The following GSDME variants were observed in gnomAD, a reference collection of about 807,000 sequenced individuals.
The protein encoded by GSDME is gasdermin E.
A neutral mutation model predicts 47.5 loss-of-function variants in GSDME; 44 were observed. The ratio of observed to expected loss-of-function variants is 0.93; its 90% confidence interval spans 0.73 to 1.19. GSDME has a LOEUF of 1.19. Ranked by LOEUF, GSDME falls within the 50% of genes most tolerant of loss-of-function variation. The pLI, the probability that GSDME is intolerant of heterozygous loss-of-function variation, is 0.00. For synonymous variants in GSDME, 258 were observed against 252.8 expected (o/e 1.02, Z -0.20); for missense variants, 663 against 604.2 (o/e 1.10, Z -1.02).
intron 7 of GSDME, chr7:24,707,539 C>G (rs966641904): frequency 8.9e-5 from 36 of 404,978 alleles, no homozygotes; most frequent in African/African-American, 6.7e-4. Flanking sequence ...AGTGGCCCAC[C>G]AACATATGTT....
chr7:24,743,533 C>A (rs945630943), intron 3 of GSDME, among the ~76,000 whole-genome samples: 1 of 152,210 alleles, frequency 6.6e-6, no homozygotes, highest in Non-Finnish European at 1.5e-5. Flanking sequence ...CTAAAAAATA[C>A]ATCAGATTAC....
chr7:24,735,168 C>G lies in GSDME; in HGVS notation c.404+9394G>C, dbSNP rs972677044. Reference sequence around the variant, plus strand: ...TATCTAAAGTGCTGAAGGAAAAAAACGTTTACACTAGAATAGTATATTCAG... The same window carrying G: ...TATCTAAAGTGCTGAAGGAAAAAAAGGTTTACACTAGAATAGTATATTCAG... On this transcript the variant is annotated intron_variant, in intron 3 of 9. Coordinates refer to ENST00000645220, the MANE Select transcript of GSDME (RefSeq NM_001127453.2). This position sits in a 1 kb window ranked among gnomAD's most constrained non-coding sequence, Gnocchi z 4.4. 6.6e-6 allele frequency among the ~76,000 whole-genome samples: 1 copy of G among 152,076 alleles called. No homozygotes were observed. The highest frequency in any genetic ancestry group is 1.5e-5 in the Non-Finnish European group (1 of 68,018).
rs984562724 is a variant in GSDME at position 24,723,347 on chromosome 7, C to T, written c.405-4129G>A. Among the ~76,000 whole-genome samples, 15 of 152,140 alleles carry T rather than the reference C, an allele frequency of 9.9e-5. No homozygotes were observed. In the South Asian group the frequency reaches 1.2e-3, roughly 13 times the overall value. On this transcript the variant is annotated intron_variant, in intron 3 of 9. Coordinates refer to ENST00000645220, the MANE Select transcript of GSDME (RefSeq NM_001127453.2). ...GGGGAGAGCTGGTGTCCCCTGGGGACGGTGTTCTCAGGTGCAGACCCAGAA... is the reference window on the plus strand; with the variant it reads ...GGGGAGAGCTGGTGTCCCCTGGGGATGGTGTTCTCAGGTGCAGACCCAGAA...
chr7:24,749,375 G>T (rs751858148), intron 2 of GSDME, among the ~76,000 whole-genome samples, 189 bp downstream of exon 2: 2 of 151,884 alleles, frequency 1.3e-5, no homozygotes, highest in Non-Finnish European at 2.9e-5. Flanking sequence ...GGTGGTGGGT[G>T]CCTGTAATCC....
rs558934278 is a variant in GSDME at position 24,735,876 on chromosome 7, C to T, written c.404+8686G>A. ...AATAGAAAAAAGGAAAAAGTTAAGC[C>T]GGGGGACAAAGTTAAGGCGTGGAGT... On this transcript the variant is annotated intron_variant, in intron 3 of 9. Coordinates refer to ENST00000645220, the MANE Select transcript of GSDME (RefSeq NM_001127453.2). This position sits in a 1 kb window ranked among gnomAD's most constrained non-coding sequence, Gnocchi z 4.4. Among the ~76,000 whole-genome samples, 26 of 151,778 alleles carry T rather than the reference C, an allele frequency of 1.7e-4. No individual in the cohort carries two copies. Among genetic ancestry groups the T allele is most frequent in the African/African-American group, 2.4e-4 (10 of 41,416 alleles).
At chr7:24,699,329 C>T in intron 9 of GSDME, 70 bp from the exon 10 acceptor site, 1 of 1,192,438 alleles carries the variant, frequency 8.4e-7, no homozygotes, top group Admixed American at 1.8e-5. Flanking sequence ...TAGTAATGCA[C>T]TTGTAGGTAA....
rs537185249 is a variant in GSDME at position 24,719,418 on chromosome 7, G to A, written c.405-200C>T. Reference sequence around the variant, plus strand: ...CTTGAGGCCACCTCAGAGCTGCCGGGCCTCTGGGGGCCAGGCTAGATGCCA... The same window carrying A: ...CTTGAGGCCACCTCAGAGCTGCCGGACCTCTGGGGGCCAGGCTAGATGCCA... On this transcript the variant is annotated intron_variant, in intron 3 of 9. Transcript: ENST00000645220. 6.6e-5 allele frequency among the ~76,000 whole-genome samples: 10 copies of A among 152,302 alleles called. No homozygotes were observed. In the East Asian group the frequency reaches 1.9e-3, roughly 29 times the overall value.
In GSDME at chr7:24,724,132, G is replaced by T. The variant is rs1172799481; in HGVS notation, c.405-4914C>A. The stretch of plus-strand genomic sequence containing the variant: ...AGGGGCTTTTCACCTTTTCTCTTTT[G>T]ACCTTTTGACATTTAAACCATGTGA... On this transcript the variant is annotated intron_variant, in intron 3 of 9. Coordinates refer to ENST00000645220, the MANE Select transcript of GSDME (RefSeq NM_001127453.2). The surrounding 1 kb of genome is among the most constrained non-coding windows in gnomAD (Gnocchi z 4.8). Among the ~76,000 whole-genome samples, 6 of 149,668 alleles carry T rather than the reference G, an allele frequency of 4.0e-5. No individual in the cohort carries two copies. Among genetic ancestry groups the T allele is most frequent in the Admixed American group, 6.7e-5 (1 of 14,956 alleles).
Position 24,721,956 on chromosome 7 carries a change from G to T in GSDME, c.405-2738C>A, listed in dbSNP as rs762371036. Among the ~76,000 whole-genome samples the T allele has an allele frequency of 6.6e-6, 1 of 152,120 alleles. No homozygotes were observed. ...TCACTGACTCATTGGTCACCTCCTC[G>T]GGGAAGCATTCCCTGCACCCCCATC... On this transcript the variant is annotated intron_variant, in intron 3 of 9. Coordinates refer to ENST00000645220, the MANE Select transcript of GSDME (RefSeq NM_001127453.2). This position sits in a 1 kb window ranked among gnomAD's most constrained non-coding sequence, Gnocchi z 4.1.
chr7:24,705,856 T>C lies in GSDME; in HGVS notation c.1183+328A>G, dbSNP rs17209324. ...GAAAGTTGCTGCCACTCAGCTCTGC[T>C]GGGACTCCGGAGTGAACCACAGCCT... On this transcript the variant is annotated intron_variant, in intron 8 of 9. Coordinates refer to ENST00000645220, the MANE Select transcript of GSDME (RefSeq NM_001127453.2). This position sits in a 1 kb window ranked among gnomAD's most constrained non-coding sequence, Gnocchi z 4.1. 0.044 allele frequency: 18,618 copies of C among 421,226 alleles called. 532 individuals carry two copies. Among genetic ancestry groups the C allele is most frequent in the Non-Finnish European group, 0.058 (13,001 of 223,748 alleles). 26.1% of individuals were successfully genotyped at this position (421,226 alleles called of 1,614,324 possible).
In GSDME at chr7:24,698,962, GACCTTTA is replaced by G; in HGVS notation, c.*57_*63del. On this transcript the variant is annotated 3_prime_UTR_variant, in exon 10 of 10. Transcript: ENST00000645220. Reference sequence around the variant, plus strand: ...ATTGGTCAACTTTTAACGTGCATATGACCTTTAACAGTTCTGAAAAATAGCCTTGGCC... The same window carrying G: ...ATTGGTCAACTTTTAACGTGCATATGACAGTTCTGAAAAATAGCCTTGGCC... 1.2e-5 allele frequency: 13 copies of G among 1,096,978 alleles called. No homozygotes were observed. The highest frequency in any genetic ancestry group is 1.8e-5 in the Non-Finnish European group (13 of 724,968). The allele number at this position is 1,096,978 out of a possible 1,614,324, so 68.0% of individuals were successfully genotyped here. A position where few individuals can be genotyped will look rare whatever the true frequency, so the allele number is the denominator to read the frequency against.
chr7:24,777,455 A>T, the GSDME span, among the ~76,000 whole-genome samples: 1 of 152,194 alleles, frequency 6.6e-6, no homozygotes, highest in Non-Finnish European at 1.5e-5. Context: ...GGAAGAAAGG[A>T]TATTTGAAAG....
At chr7:24,717,614 T>G (rs1789619277) in intron 4 of GSDME, among the ~76,000 whole-genome samples, 1 of 152,168 alleles carries the variant, frequency 6.6e-6, no homozygotes, top group African/African-American at 2.4e-5. Context: ...TTATAGAGCG[T>G]GGGATACAGT....
rs765124501 is a variant in GSDME, at chr7:24,745,504, G to A, written c.212-750C>T. On this transcript the variant is annotated intron_variant, in intron 2 of 9. Coordinates refer to ENST00000645220, the MANE Select transcript of GSDME (RefSeq NM_001127453.2). This position sits in a 1 kb window ranked among gnomAD's most constrained non-coding sequence, Gnocchi z 4.4. ...CTCTGACTTCCTGATAAGGTCAGTG[G>A]ACATGCCCTTTTTAAAATGATAAAT... 1.3e-5 allele frequency among the ~76,000 whole-genome samples: 2 copies of A among 152,228 alleles called. No homozygotes were observed. Among genetic ancestry groups the A allele is most frequent in the South Asian group, 2.1e-4 (1 of 4,814 alleles).
Position 24,733,047 on chromosome 7 carries a change from G to C in GSDME, c.404+11515C>G, listed in dbSNP as rs1450418993. ...GTGCTTGAGGAGAGGAGAGGGAAGA[G>C]GAAAAAGGACTTTGTACTGTAACCA... On this transcript the variant is annotated intron_variant, in intron 3 of 9. Coordinates refer to ENST00000645220, the MANE Select transcript of GSDME (RefSeq NM_001127453.2). The surrounding 1 kb of genome is among the most constrained non-coding windows in gnomAD (Gnocchi z 4.3). Among the ~76,000 whole-genome samples, 1 of 151,882 alleles carries C rather than the reference G, an allele frequency of 6.6e-6. No individual in the cohort carries two copies. The highest frequency in any genetic ancestry group is 6.6e-5 in the Admixed American group (1 of 15,256).
At chr7:24,787,288 C>A in the GSDME span, among the ~76,000 whole-genome samples, 2 of 152,228 alleles carry the variant, frequency 1.3e-5, no homozygotes, top group Admixed American at 6.5e-5. This position sits in a 1 kb window ranked among gnomAD's most constrained non-coding sequence, Gnocchi z 5.0. Context: ...GGCCCCTACT[C>A]ATTTTCAAAG....
intron 9 of GSDME, among the ~76,000 whole-genome samples, chr7:24,701,511 CTTT>C (rs1562683447): frequency 6.6e-6 from 1 of 152,112 alleles, no homozygotes; most frequent in African/African-American, 2.4e-5. Flanking sequence ...GCAGGATTTT[CTTT>C]TTATTTGCTT....
the GSDME span, among the ~76,000 whole-genome samples, chr7:24,764,722 C>T: frequency 6.6e-6 from 1 of 152,208 alleles, no homozygotes; most frequent in Non-Finnish European, 1.5e-5. The surrounding 1 kb of genome is among the most constrained non-coding windows in gnomAD (Gnocchi z 4.4). Flanking sequence ...CTTGCTGTCA[C>T]CACTATTCCA....
At chr7:24,792,411 A>T in the GSDME span, among the ~76,000 whole-genome samples, 2 of 152,162 alleles carry the variant, frequency 1.3e-5, no homozygotes, top group African/African-American at 4.8e-5. Context: ...AAATGGTCCT[A>T]ATTTACTAAT....
Sources: gnomAD v4.1 joint callset for allele counts (sites outside exome capture counted in the v4.1 genomes callset) on GRCh38, gnomAD v4.1.1 for gene constraint, Gnocchi (gnomAD v3.1) non-coding constraint, MANE v1.5 for transcripts, NCBI Gene and HGNC (gene_info 2026-07-23, HGNC 2026-07-21) for gene names.